The following CNIH3 variants were observed in gnomAD, a reference collection of about 807,000 sequenced individuals.
CNIH3 encodes cornichon family AMPA receptor auxiliary protein 3, also known as protein cornichon homolog 3.
CNIH3 carries 14 observed loss-of-function variants against 24.1 expected under a neutral mutation model. That is an observed-to-expected ratio of 0.58 (90% CI 0.38 to 0.91). The LOEUF (loss-of-function observed/expected upper bound fraction) is 0.91, where lower values mean the gene tolerates loss of function less well. CNIH3 is among the 40% of genes least tolerant of loss of function. The pLI is 0.00. For synonymous variants in CNIH3, 68 were observed against 73.8 expected (o/e 0.92, Z 0.40); for missense variants, 178 against 196.8 (o/e 0.90, Z 0.57).
At chr1:224,487,123 C>T (rs1677060773) in intron 1 of CNIH3, among the ~76,000 whole-genome samples, 1 of 152,166 alleles carries the variant, frequency 6.6e-6, no homozygotes, top group African/African-American at 2.4e-5. Context: ...TTCTCAGCAG[C>T]TCATTTCAAG....
chr1:224,494,124 G>T (rs1438418313), intron 1 of CNIH3, among the ~76,000 whole-genome samples: 3 of 152,202 alleles, frequency 2.0e-5, no homozygotes, highest in African/African-American at 7.2e-5. Context: ...ACAGATGTCA[G>T]GTCAAAAGCT....
chr1:224,506,304 C>CAT (rs765006934), intron 1 of CNIH3, among the ~76,000 whole-genome samples: 7 of 151,324 alleles, frequency 4.6e-5, no homozygotes, highest in Non-Finnish European at 1.0e-4. Flanking sequence ...CACACACACA[C>CAT]GGTCACTCCT....
chr1:224,559,047 T>A (rs1680258069), intron 3 of CNIH3, among the ~76,000 whole-genome samples: 1 of 152,218 alleles, frequency 6.6e-6, no homozygotes. Flanking sequence ...AACTGGTACC[T>A]AAAGTACGTT....
intron 1 of CNIH3, among the ~76,000 whole-genome samples, chr1:224,636,733 T>G (rs928019680): frequency 6.6e-6 from 1 of 152,184 alleles, no homozygotes; most frequent in Non-Finnish European, 1.5e-5. Context: ...TGGCATTGGT[T>G]GTTTTCTGGA....
At chr1:224,605,045 G>C (rs1000414766) in intron 3 of CNIH3, among the ~76,000 whole-genome samples, 4 of 152,146 alleles carry the variant, frequency 2.6e-5, no homozygotes, top group African/African-American at 7.2e-5. Flanking sequence ...GGCAAAAAAG[G>C]CTAAAGCAAA....
chr1:224,655,649 C>T (rs1037025813), intron 1 of CNIH3, among the ~76,000 whole-genome samples: 1 of 152,192 alleles, frequency 6.6e-6, no homozygotes, highest in East Asian at 1.9e-4. Flanking sequence ...ACTTTCCAGA[C>T]ACCTAGTGTT....
chr1:224,538,307 C>T (rs1489647511), downstream of CNIH3, among the ~76,000 whole-genome samples: 1 of 152,090 alleles, frequency 6.6e-6, no homozygotes, highest in Non-Finnish European at 1.5e-5. Flanking sequence ...GTTCTAGATT[C>T]GTTCTCTGCT....
chr1:224,465,984 C>T (rs972713201), intron 1 of CNIH3, among the ~76,000 whole-genome samples: 6 of 152,128 alleles, frequency 3.9e-5, no homozygotes, highest in Admixed American at 2.0e-4. Flanking sequence ...GCTGAGATCT[C>T]GCCATTGCAC....
chr1:224,514,012 T>G (rs1678278668), upstream of CNIH3: 1 of 152,222 alleles, frequency 6.6e-6, no homozygotes, highest in Admixed American at 6.5e-5. Context: ...TACAGTAGTT[T>G]TAGACTCCCA....
At chr1:224,677,497 C>T (rs1003477390) in intron 1 of CNIH3, among the ~76,000 whole-genome samples, 9 of 152,088 alleles carry the variant, frequency 5.9e-5, no homozygotes, top group African/African-American at 2.2e-4. Flanking sequence ...CCTTTGTCCT[C>T]ATGGGTGCAC....
intron 3 of CNIH3, among the ~76,000 whole-genome samples, chr1:224,712,195 G>A (rs1162995728): frequency 6.6e-6 from 1 of 152,186 alleles, no homozygotes; most frequent in Non-Finnish European, 1.5e-5. Context: ...CTCACCTTTA[G>A]CAGTTGTTCC....
intron 1 of CNIH3, among the ~76,000 whole-genome samples, chr1:224,495,196 G>A (rs1373225452): frequency 1.3e-5 from 2 of 152,166 alleles, no homozygotes; most frequent in African/African-American, 4.8e-5. Flanking sequence ...GCCTCCTCAT[G>A]TAAGGACTTG....
At position 224,616,960 on chromosome 1, in the gene CNIH3, C is replaced by G. The variant is rs537505043; in HGVS notation, c.-215C>G. 7.2e-7 allele frequency: 1 copy of G among 1,392,312 alleles called. No individual in the cohort carries two copies. The highest frequency in any genetic ancestry group is 9.3e-7 in the Non-Finnish European group (1 of 1,078,886). 86.2% of individuals were successfully genotyped at this position (1,392,312 alleles called of 1,614,324 possible). A position where few individuals can be genotyped will look rare whatever the true frequency, so the allele number is the denominator to read the frequency against. ...CTCTCGACACACGTTTTCCTGTCTT[C>G]GCCGGAGGGCCGGGTCTGGGGTCGC... On this transcript the variant is annotated 5_prime_UTR_variant, in exon 1 of 6. Coordinates refer to ENST00000272133, the MANE Select transcript of CNIH3 (RefSeq NM_152495.2).
chr1:224,599,252 T>C (rs1007227249), intron 3 of CNIH3, among the ~76,000 whole-genome samples: 1 of 152,234 alleles, frequency 6.6e-6, no homozygotes, highest in African/African-American at 2.4e-5. Context: ...CCTATGGGTT[T>C]GTAATCAGTT....
chr1:224,730,765 T>C (rs1379278799), intron 4 of CNIH3, 191 bp downstream of exon 4: 1 of 537,248 alleles, frequency 1.9e-6, no homozygotes, highest in Admixed American at 3.1e-5. Context: ...GCCCTTTTTG[T>C]TGGTTTCATT....
chr1:224,722,409 G>T (rs1027671481), intron 3 of CNIH3, among the ~76,000 whole-genome samples: 5 of 152,150 alleles, frequency 3.3e-5, no homozygotes, highest in Non-Finnish European at 7.4e-5. Context: ...AGGTGGCTGG[G>T]GGACTCTATT....
At chr1:224,528,439 G>GT (rs1678930442) in intron 2 of CNIH3, among the ~76,000 whole-genome samples, 1 of 152,114 alleles carries the variant, frequency 6.6e-6, no homozygotes, top group African/African-American at 2.4e-5. Context: ...TGCTCCCTTA[G>GT]CCACCTGAGT....
intron 1 of CNIH3, chr1:224,661,809 C>A: frequency 9.3e-6 from 2 of 214,498 alleles, no homozygotes; most frequent in South Asian, 1.5e-4. Context: ...ACTTCAGTGC[C>A]AGTTTCTGAT....
intron 1 of CNIH3, among the ~76,000 whole-genome samples, chr1:224,506,261 GCACGCA>G (rs1196835135): frequency 7.9e-6 from 1 of 126,750 alleles, no homozygotes; most frequent in Non-Finnish European, 1.6e-5. Context: ...ACACTCATAT[GCACGCA>G]CACGCGCGCG....
Sources: allele counts gnomAD v4.1 joint callset (sites outside exome capture counted in the v4.1 genomes callset), GRCh38; gene constraint gnomAD v4.1.1; transcripts MANE v1.5; gene names NCBI Gene and HGNC (gene_info 2026-07-23, HGNC 2026-07-21).